Variants in INSIG1 observed in about 807,000 individuals in gnomAD.
The protein encoded by INSIG1 is insulin induced gene 1.
A neutral mutation model predicts 26.5 loss-of-function variants in INSIG1; 14 were observed. The ratio of observed to expected loss-of-function variants is 0.53; its 90% CI spans 0.35 to 0.83. The LOEUF (loss-of-function observed/expected upper bound fraction) is 0.83. INSIG1 is among the 40% of genes least tolerant of loss of function. The pLI is 0.01. For missense variants in INSIG1, 272 were observed against 368.9 expected, an observed-to-expected ratio of 0.74 and a Z score of 2.15; for synonymous variants, 147 against 153.3, an observed-to-expected ratio of 0.96 and a Z score of 0.30.
chr7:155,304,191 TG>T (rs751139881), intron 5 of INSIG1, among the ~76,000 whole-genome samples: 6 of 152,196 alleles, frequency 3.9e-5, no homozygotes, highest in Non-Finnish European at 7.3e-5. Flanking sequence ...CTCGAACTCG[TG>T]GGCTCAAGCC....
intron 1 of INSIG1, 104 bp from the exon 2 acceptor site, chr7:155,298,155 G>C (rs1301698978): frequency 1.1e-5 from 11 of 1,013,520 alleles, no homozygotes; most frequent in South Asian, 7.6e-5. Flanking sequence ...TCTAACCTTG[G>C]GGGGCGGCGC....
chr7:155,300,005 G>A (rs980676984), intron 2 of INSIG1, among the ~76,000 whole-genome samples: 1 of 152,050 alleles, frequency 6.6e-6, no homozygotes, highest in African/African-American at 2.4e-5. Flanking sequence ...ATTAAGTAGT[G>A]GGTAGAATGT....
At chr7:155,298,081 G>T in intron 1 of INSIG1, 122 bp downstream of exon 1, 1 of 438,396 alleles carries the variant, frequency 2.3e-6, no homozygotes, top group South Asian at 8.0e-5. Flanking sequence ...CGCTGGGGCC[G>T]GGGATGCTGC....
In INSIG1 at chr7:155,309,216, T is replaced by C. The variant is rs1170163857; in HGVS notation, c.*946T>C. 1 of 152,638 alleles carries C rather than the reference T, an allele frequency of 6.6e-6. No homozygotes were observed. Among genetic ancestry groups the C allele is most frequent in the African/African-American group, 2.4e-5 (1 of 41,470 alleles). The allele number at this position is 152,638 out of a possible 1,614,324, so 9.5% of individuals were successfully genotyped here. A position where few individuals can be genotyped will look rare whatever the true frequency, so the allele number is the denominator to read the frequency against. ...AACGTGTGGTGTTTCTAGTCAATGATATTGGTGAGCACAATGTATTCATTT... is the reference window on the plus strand; with the variant it reads ...AACGTGTGGTGTTTCTAGTCAATGACATTGGTGAGCACAATGTATTCATTT... On this transcript the variant is annotated 3_prime_UTR_variant, in exon 6 of 6. Coordinates refer to ENST00000340368, the MANE Select transcript of INSIG1 (RefSeq NM_005542.6).
Position 155,308,460 on chromosome 7 carries a change from C to A in INSIG1, c.*190C>A. 1.4e-6 allele frequency: 1 copy of A among 697,586 alleles called. No individual in the cohort carries two copies. Among genetic ancestry groups the A allele is most frequent in the Non-Finnish European group, 2.5e-6 (1 of 392,864 alleles). The allele number at this position is 697,586 out of a possible 1,614,324, so 43.2% of individuals were successfully genotyped here. On this transcript the variant is annotated 3_prime_UTR_variant, in exon 6 of 6. Transcript: ENST00000340368. ...GGAGAATGATGACTTACCCTGAAGT[C>A]TTCCCTTGACTGCCCGCACTGGCGC...
At chr7:155,299,911 A>G (rs1330561186) in intron 2 of INSIG1, among the ~76,000 whole-genome samples, 1 of 152,178 alleles carries the variant, frequency 6.6e-6, no homozygotes, top group Non-Finnish European at 1.5e-5. Context: ...CAGTTGACTC[A>G]CTGAAAACAG....
At chr7:155,301,425 A>G in intron 2 of INSIG1, 141 bp from the exon 3 acceptor site, 1 of 748,550 alleles carries the variant, frequency 1.3e-6, no homozygotes, top group South Asian at 3.6e-5. Context: ...ACAAGAATAT[A>G]AAATCACTCT....
At chr7:155,307,432 T>C (rs73178618) in intron 5 of INSIG1, among the ~76,000 whole-genome samples, 15,487 of 152,300 alleles carry the variant, frequency 0.1, 1,127 homozygotes, top group Admixed American at 0.14. Context: ...AAAAAAATTC[T>C]GTATGGAGGT....
intron 2 of INSIG1, 61 bp downstream of exon 2, chr7:155,298,758 T>G (rs1240916558): frequency 2.5e-5 from 36 of 1,458,116 alleles, no homozygotes; most frequent in Middle Eastern, 3.5e-4. Context: ...TGAAAGTACT[T>G]TTCAGCCTAT....
At position 155,302,226 on chromosome 7, in the gene INSIG1, T is replaced by C; in HGVS notation, c.538-25T>C. The C allele has an allele frequency of 6.5e-7, 1 of 1,532,184 alleles. No individual in the cohort carries two copies. The highest frequency in any genetic ancestry group is 8.8e-7 in the Non-Finnish European group (1 of 1,142,428). The allele number at this position is 1,532,184 out of a possible 1,614,324, so 94.9% of individuals were successfully genotyped here. A position where few individuals can be genotyped will look rare whatever the true frequency, so the allele number is the denominator to read the frequency against. ...TTTATCTTAATAAGAGTCAGCAAAC[T>C]TTTCCTTAACTTTTATATCACCAGA... On this transcript the variant is annotated intron_variant, in intron 3 of 5. Transcript: ENST00000340368. This position sits in a 1 kb window ranked among gnomAD's most constrained non-coding sequence, Gnocchi z 4.3.
chr7:155,302,425 T>C lies in INSIG1; in HGVS notation c.704+8T>C. The stretch of plus-strand genomic sequence containing the variant: ...GTATAATGGTGTCTATCAGTAAGTG[T>C]GTGTTTTCAAATATTGGCTTTGGAA... On this transcript the variant is annotated splice_region_variant and intron_variant, in intron 4 of 5. Transcript: ENST00000340368. The surrounding 1 kb of genome is among the most constrained non-coding windows in gnomAD (Gnocchi z 4.3). The C allele has an allele frequency of 6.4e-7, 1 of 1,567,510 alleles. No homozygotes were observed. Among genetic ancestry groups the C allele is most frequent in the Non-Finnish European group, 8.6e-7 (1 of 1,158,330 alleles).
At chr7:155,303,453 G>A (rs981966791) in intron 5 of INSIG1, among the ~76,000 whole-genome samples, 1 of 152,230 alleles carries the variant, frequency 6.6e-6, no homozygotes, top group East Asian at 1.9e-4. Flanking sequence ...TGAGAGCACC[G>A]CTGCACGTGG....
At chr7:155,306,238 G>A (rs1449724106) in intron 5 of INSIG1, among the ~76,000 whole-genome samples, 2 of 152,220 alleles carry the variant, frequency 1.3e-5, no homozygotes, top group African/African-American at 4.8e-5. Context: ...GACCTCAGGT[G>A]ATCCACCTGC....
At chr7:155,298,030 A>C in intron 1 of INSIG1, 71 bp downstream of exon 1, 1 of 347,310 alleles carries the variant, frequency 2.9e-6, no homozygotes, top group Non-Finnish European at 5.2e-6. Flanking sequence ...CCCCGGAGGT[A>C]GGCGGGCGCG....
At position 155,303,486 on chromosome 7, in the gene INSIG1, T is replaced by C. The variant is rs548847036; in HGVS notation, c.804+640T>C. Among the ~76,000 whole-genome samples the C allele has an allele frequency of 7.9e-5, 12 of 152,340 alleles. No homozygotes were observed. In the South Asian group the frequency reaches 2.3e-3, roughly 29 times the overall value. On this transcript the variant is annotated intron_variant, in intron 5 of 5. Coordinates refer to ENST00000340368, the MANE Select transcript of INSIG1 (RefSeq NM_005542.6). ...TGGCCGGGTCACCATGTAGACGGAC[T>C]GTCCTGCCTGAACATTGCATCTGTT...
chr7:155,302,536 A>T lies in INSIG1; in HGVS notation c.704+119A>T, dbSNP rs567118208. 2 of 1,165,506 alleles carry T rather than the reference A, an allele frequency of 1.7e-6. No individual in the cohort carries two copies. The highest frequency in any genetic ancestry group is 1.7e-5 in the South Asian group (1 of 57,572). The allele number at this position is 1,165,506 out of a possible 1,614,324, so 72.2% of individuals were successfully genotyped here. On this transcript the variant is annotated intron_variant, in intron 4 of 5. Coordinates refer to ENST00000340368, the MANE Select transcript of INSIG1 (RefSeq NM_005542.6). The surrounding 1 kb of genome is among the most constrained non-coding windows in gnomAD (Gnocchi z 4.3). ...TTTTTATATAGAATGATACAGATTTAGGCATGAAATTCTCAAAAATGCTGC... is the reference window on the plus strand; with the variant it reads ...TTTTTATATAGAATGATACAGATTTTGGCATGAAATTCTCAAAAATGCTGC...
intron 5 of INSIG1, among the ~76,000 whole-genome samples, chr7:155,307,484 G>A (rs1797968638): frequency 6.6e-6 from 1 of 152,204 alleles, no homozygotes; most frequent in South Asian, 2.1e-4. Flanking sequence ...GCCTCAGGAA[G>A]GTCATTTAAT....
intron 5 of INSIG1, chr7:155,303,962 A>C: frequency 2.5e-6 from 2 of 790,882 alleles, no homozygotes; most frequent in Non-Finnish European, 1.8e-6. Context: ...TGGAGAAGAA[A>C]GGACTTTGCT....
chr7:155,300,940 C>T (rs1653825139), intron 2 of INSIG1, among the ~76,000 whole-genome samples: 1 of 152,226 alleles, frequency 6.6e-6, no homozygotes, highest in Non-Finnish European at 1.5e-5. Context: ...GGCTGTCTCG[C>T]CCCGTACTTG....
Sources: gnomAD v4.1 joint callset for allele counts (sites outside exome capture counted in the v4.1 genomes callset) on GRCh38, gnomAD v4.1.1 for gene constraint, Gnocchi (gnomAD v3.1) non-coding constraint, MANE v1.5 for transcripts, NCBI Gene and HGNC (gene_info 2026-07-23, HGNC 2026-07-21) for gene names.